The following PTPRG variants were observed in gnomAD, a reference collection of about 807,000 sequenced individuals.
PTPRG encodes receptor-type tyrosine-protein phosphatase gamma.
A neutral mutation model predicts 165.3 loss-of-function variants in PTPRG; 102 were observed. The observed-to-expected ratio is 0.62, with a 90% CI of 0.53 to 0.73. The LOEUF (loss-of-function observed/expected upper bound fraction) is 0.73. Ranked by LOEUF, PTPRG falls within the 30% of genes least tolerant of loss-of-function variation. The pLI is 0.00. For missense variants in PTPRG, 1,866 were observed against 1,861.4 expected, an observed-to-expected ratio of 1.00 and a Z score of -0.05; for synonymous variants, 675 against 669.5, an observed-to-expected ratio of 1.01 and a Z score of -0.13.
chr3:61,964,325 A>G lies in PTPRG; in HGVS notation c.191-25300A>G, dbSNP rs571434466. Among the ~76,000 whole-genome samples, 26 of 152,334 alleles carry G rather than the reference A, an allele frequency of 1.7e-4. No individual in the cohort carries two copies. The South Asian group carries it at 5.4e-3, about 32-fold the overall frequency. On this transcript the variant is annotated intron_variant, in intron 2 of 29. Transcript: ENST00000474889. ...ATTAATCAGTAATCTTCACTGAAGTATAAAGTGTGAATGAGGCGGGAAACG... is the reference window on the plus strand; with the variant it reads ...ATTAATCAGTAATCTTCACTGAAGTGTAAAGTGTGAATGAGGCGGGAAACG...
chr3:62,003,642 T>C, intron 4 of PTPRG, 145 bp downstream of exon 4: 1 of 1,018,626 alleles, frequency 9.8e-7, no homozygotes, highest in East Asian at 2.7e-5. Context: ...ATCCATAGTA[T>C]GGCAGGTGGG....
chr3:62,209,989 C>T (rs1311761323), intron 12 of PTPRG, among the ~76,000 whole-genome samples: 1 of 152,094 alleles, frequency 6.6e-6, no homozygotes, highest in Non-Finnish European at 1.5e-5. Context: ...CAGTGGTGGC[C>T]GTCTGATAGG....
At chr3:62,186,431 AGGTG>A (rs1705889068) in intron 8 of PTPRG, among the ~76,000 whole-genome samples, 3 of 152,096 alleles carry the variant, frequency 2.0e-5, no homozygotes, top group South Asian at 4.2e-4. Flanking sequence ...GGGGACACAG[AGGTG>A]GGTAGGTGGT....
intron 1 of PTPRG, among the ~76,000 whole-genome samples, chr3:61,700,221 G>T (rs532214073): frequency 1.3e-5 from 2 of 152,264 alleles, no homozygotes; most frequent in African/African-American, 4.8e-5. Flanking sequence ...CACATTGCTA[G>T]AACGATGCTG....
Position 61,562,123 on chromosome 3 carries a change from GC to G in PTPRG, c.-164del. On this transcript the variant is annotated 5_prime_UTR_variant, in exon 1 of 30. Coordinates refer to ENST00000474889, the MANE Select transcript of PTPRG (RefSeq NM_002841.4). ...TTTGAGATTTTCCGGGGGGCGCTCG[GC>G]GGCTTCCCGGATTCCAAGGGGACTC... 2 of 586,908 alleles carry G rather than the reference GC, an allele frequency of 3.4e-6. No individual in the cohort carries two copies. Among genetic ancestry groups the G allele is most frequent in the African/African-American group, 1.9e-5 (1 of 52,734 alleles). The allele number at this position is 586,908 out of a possible 1,614,324, so 36.4% of individuals were successfully genotyped here. A position where few individuals can be genotyped will look rare whatever the true frequency, so the allele number is the denominator to read the frequency against.
intron 2 of PTPRG, among the ~76,000 whole-genome samples, chr3:61,874,234 C>G (rs1338089977): frequency 6.6e-6 from 1 of 152,132 alleles, no homozygotes; most frequent in Admixed American, 6.5e-5. Flanking sequence ...TCTTTTGTAC[C>G]TTGAGACTTT....
intron 6 of PTPRG, among the ~76,000 whole-genome samples, chr3:62,152,682 G>A (rs908756449): frequency 7.2e-5 from 11 of 152,222 alleles, no homozygotes; most frequent in Admixed American, 3.9e-4. Context: ...GGGGGAAAAA[G>A]TCGAGAGTTA....
intron 1 of PTPRG, among the ~76,000 whole-genome samples, chr3:61,674,890 G>A (rs1703169946): frequency 6.6e-6 from 1 of 152,102 alleles, no homozygotes; most frequent in Admixed American, 6.6e-5. Flanking sequence ...ATTTCCTAGT[G>A]CATTTAAAAA....
chr3:61,804,777 C>T lies in PTPRG; in HGVS notation c.190+55795C>T, dbSNP rs141244908. Among the ~76,000 whole-genome samples, 6 of 152,148 alleles carry T rather than the reference C, an allele frequency of 3.9e-5. No homozygotes were observed. In the East Asian group the frequency reaches 1.2e-3, roughly 29 times the overall value. On this transcript the variant is annotated intron_variant, in intron 2 of 29. Transcript: ENST00000474889. ...AAGTTCACGTTTCTGTTTCTTTGTG[C>T]CCCCGGTCCCCCTTTTAAAAATAGG...
chr3:62,157,332 G>A lies in PTPRG; in HGVS notation c.840+108G>A, dbSNP rs1704576114. The stretch of plus-strand genomic sequence containing the variant: ...CTAAGGAATTTGTTCTTGATCCTGT[G>A]CATATCATTGATTCCTGCAGTCTTT... On this transcript the variant is annotated intron_variant, in intron 7 of 29. Transcript: ENST00000474889. 3.6e-6 allele frequency: 4 copies of A among 1,125,574 alleles called. No homozygotes were observed. In the South Asian group the frequency reaches 7.6e-5, roughly 21 times the overall value. 69.7% of individuals were successfully genotyped at this position (1,125,574 alleles called of 1,614,324 possible).
chr3:62,169,016 T>G (rs1416913300), intron 8 of PTPRG, among the ~76,000 whole-genome samples: 1 of 152,174 alleles, frequency 6.6e-6, no homozygotes, highest in African/African-American at 2.4e-5. Context: ...CAGATGCTCC[T>G]TCTCTTCTCC....
At chr3:61,733,912 C>T (rs147223563) in intron 1 of PTPRG, among the ~76,000 whole-genome samples, 1 of 152,210 alleles carries the variant, frequency 6.6e-6, no homozygotes, top group African/African-American at 2.4e-5. Context: ...GTCCTCACAC[C>T]TCAGCCTCCC....
intron 1 of PTPRG, among the ~76,000 whole-genome samples, chr3:61,704,441 G>A (rs1440251710): frequency 6.6e-6 from 1 of 152,124 alleles, no homozygotes; most frequent in African/African-American, 2.4e-5. Flanking sequence ...TTGGTAATCT[G>A]TTGGATGACC....
intron 6 of PTPRG, among the ~76,000 whole-genome samples, chr3:62,134,471 T>C (rs1703632425): frequency 6.6e-6 from 1 of 152,224 alleles, no homozygotes; most frequent in African/African-American, 2.4e-5. Flanking sequence ...GTGCATTTGC[T>C]GTTTCCTCTG....
intron 4 of PTPRG, among the ~76,000 whole-genome samples, chr3:62,023,128 A>G (rs1422564403): frequency 6.6e-6 from 1 of 152,216 alleles, no homozygotes; most frequent in Non-Finnish European, 1.5e-5. Context: ...TGAAACAGAA[A>G]AAAACAATAA....
chr3:62,281,737 T>G, intron 27 of PTPRG, 28 bp downstream of exon 27: 1 of 1,586,806 alleles, frequency 6.3e-7, no homozygotes. Context: ...TCCTCACTAA[T>G]AGCCATACCT....
intron 8 of PTPRG, among the ~76,000 whole-genome samples, chr3:62,179,980 T>G (rs1705585257): frequency 6.6e-6 from 1 of 152,188 alleles, no homozygotes. Context: ...AGATGCAGAG[T>G]TAACAGGTAA....
At chr3:61,787,072 A>G (rs2034726098) in intron 2 of PTPRG, among the ~76,000 whole-genome samples, 1 of 152,136 alleles carries the variant, frequency 6.6e-6, no homozygotes, top group African/African-American at 2.4e-5. Flanking sequence ...AGAATCGCTT[A>G]TATTTTCCCC....
intron 26 of PTPRG, 117 bp downstream of exon 26, chr3:62,277,796 T>A: frequency 7.7e-7 from 1 of 1,297,704 alleles, no homozygotes; most frequent in Non-Finnish European, 1.1e-6. Context: ...GAATTTAAAA[T>A]TTTTAAATTC....
Sources: gnomAD v4.1 joint callset for allele counts (sites outside exome capture counted in the v4.1 genomes callset) on GRCh38, gnomAD v4.1.1 for gene constraint, MANE v1.5 for transcripts, NCBI Gene and HGNC (gene_info 2026-07-23, HGNC 2026-07-21) for gene names.